PLD5: variants seen among roughly 807,000 people sequenced by gnomAD.
The protein encoded by PLD5 is phospholipase D family member 5.
Under a neutral mutation model 61.1 loss-of-function variants are expected in PLD5, and 36 were observed. The ratio of observed to expected loss-of-function variants is 0.59; its 90% CI spans 0.45 to 0.78. The LOEUF is 0.78. PLD5 is among the 30% of genes least tolerant of loss of function. PLD5 has a pLI of 0.00. For synonymous variants in PLD5, 243 were observed against 242.8 expected (o/e 1.00, Z -0.01); for missense variants, 515 against 644.4 (o/e 0.80, Z 2.17).
intron 1 of PLD5, among the ~76,000 whole-genome samples, chr1:242,471,465 C>A (rs1186363283): frequency 6.6e-6 from 1 of 152,014 alleles, no homozygotes; most frequent in Non-Finnish European, 1.5e-5. Flanking sequence ...GAAGTTAATT[C>A]CTGAGCGAAA....
intron 1 of PLD5, among the ~76,000 whole-genome samples, chr1:242,409,789 G>A (rs1664444945): frequency 6.6e-6 from 1 of 152,110 alleles, no homozygotes; most frequent in African/African-American, 2.4e-5. Flanking sequence ...ATATGTAAAG[G>A]AAGGCCGCCA....
intron 1 of PLD5, among the ~76,000 whole-genome samples, chr1:242,372,917 G>A (rs1012757893): frequency 9.2e-5 from 14 of 152,136 alleles, no homozygotes; most frequent in East Asian, 5.8e-4. Context: ...CAAAAGCAAC[G>A]GCAACAAAAG....
chr1:242,253,705 G>A lies in PLD5; in HGVS notation c.607+11632C>T, dbSNP rs556245603. 7.6e-4 allele frequency among the ~76,000 whole-genome samples: 116 copies of A among 152,232 alleles called. No homozygotes were observed. The Middle Eastern group carries it at 0.014, about 18-fold the overall frequency. On this transcript the variant is annotated intron_variant, in intron 4 of 9. Coordinates refer to ENST00000536534, the MANE Select transcript of PLD5 (RefSeq NM_001372062.1). ...AACCAGATGAAACAGATAAAATTCT[G>A]CTTTTCTCCTGTCACAAGGTTGAAT... is the stretch of plus-strand genomic sequence containing the variant.
intron 1 of PLD5, among the ~76,000 whole-genome samples, chr1:242,510,568 C>T (rs1034172905): frequency 3.3e-5 from 5 of 152,084 alleles, no homozygotes; most frequent in African/African-American, 4.8e-5. Context: ...CAAATGGGCC[C>T]GGTGCGGTGG....
At chr1:242,462,576 A>G (rs541816856) in intron 1 of PLD5, among the ~76,000 whole-genome samples, 25 of 150,836 alleles carry the variant, frequency 1.7e-4, no homozygotes, top group Non-Finnish European at 2.5e-4. Context: ...AAATCTGCAC[A>G]TGGACCCCCC....
At position 242,265,420 on chromosome 1, in the gene PLD5, T is replaced by C; in HGVS notation, c.524A>G (p.Gln175Arg). 6.2e-7 allele frequency: 1 copy of C among 1,611,470 alleles called. No individual in the cohort carries two copies. The highest frequency in any genetic ancestry group is 8.5e-7 in the Non-Finnish European group (1 of 1,178,732). ...GATTTCAATATTTTGCGAAGTCAGC[T>C]GGAGCAACTTTTCAAAAAGACGTTG... Reference protein sequence around the residue: ...QGQRLFEKLLQLTSQNIEIKL... With the variant: ...QGQRLFEKLLRLTSQNIEIKL... Residue 175 changes from glutamine to arginine, a missense_variant, in exon 4 of 10, where the codon CAG becomes CGG. By Grantham distance (43) the Gln-to-Arg change is conservative. This residue lies in a region of PLD5 where 450 missense variants were observed against 598.1 expected (regional missense o/e 0.75). Coordinates refer to ENST00000536534, the MANE Select transcript of PLD5 (RefSeq NM_001372062.1).
chr1:242,453,625 A>C (rs1666856341), intron 1 of PLD5, among the ~76,000 whole-genome samples: 1 of 152,174 alleles, frequency 6.6e-6, no homozygotes, highest in South Asian at 2.1e-4. Flanking sequence ...CCAAAAAGGT[A>C]GTCCCTAGAG....
Position 242,378,505 on chromosome 1 carries a change from G to T in PLD5, c.190-30263C>A, listed in dbSNP as rs528124140. On this transcript the variant is annotated intron_variant, in intron 1 of 9. Transcript: ENST00000536534. ...ACTGTACACTTAAAATGGTTAAAAT[G>T]GTAAATTTTATGTTATACATATTTT... is the stretch of plus-strand genomic sequence containing the variant. Among the ~76,000 whole-genome samples, 241 of 152,040 alleles carry T rather than the reference G, an allele frequency of 1.6e-3. 1 individual carries two copies. The highest frequency in any genetic ancestry group is 0.013 in the South Asian group (63 of 4,804).
At chr1:242,458,428 A>T (rs1248949470) in intron 1 of PLD5, among the ~76,000 whole-genome samples, 1 of 152,224 alleles carries the variant, frequency 6.6e-6, no homozygotes, top group Non-Finnish European at 1.5e-5. Context: ...TATATTGTAC[A>T]TTTAACTCCT....
intron 6 of PLD5, among the ~76,000 whole-genome samples, chr1:242,120,519 C>T (rs1303910906): frequency 1.3e-5 from 2 of 152,074 alleles, no homozygotes; most frequent in Admixed American, 1.3e-4. Flanking sequence ...GGCTGTTAAA[C>T]TAATTTACAA....
chr1:242,358,060 C>A (rs1660856270), intron 1 of PLD5, among the ~76,000 whole-genome samples: 2 of 152,018 alleles, frequency 1.3e-5, no homozygotes, highest in South Asian at 4.1e-4. Flanking sequence ...GCATTGTATT[C>A]TTCATCTCTA....
intron 1 of PLD5, among the ~76,000 whole-genome samples, chr1:242,407,676 C>T (rs149660740): frequency 0.04 from 6,059 of 151,166 alleles, 414 homozygotes; most frequent in African/African-American, 0.14. Context: ...GCCTATGGGG[C>T]TCAAGCGATT....
chr1:242,170,473 G>A, intron 5 of PLD5, among the ~76,000 whole-genome samples: 1 of 152,154 alleles, frequency 6.6e-6, no homozygotes, highest in East Asian at 1.9e-4. Flanking sequence ...AAAATACTAA[G>A]TATTCCAAAT....
intron 2 of PLD5, among the ~76,000 whole-genome samples, chr1:242,306,431 T>C (rs1386216831): frequency 1.3e-5 from 2 of 152,122 alleles, no homozygotes; most frequent in Admixed American, 6.6e-5. Context: ...AGGAATTCCC[T>C]GTGGATTACA....
intron 5 of PLD5, among the ~76,000 whole-genome samples, chr1:242,190,718 A>T (rs1668215883): frequency 6.6e-6 from 1 of 151,602 alleles, no homozygotes; most frequent in African/African-American, 2.4e-5. Flanking sequence ...CTCATCTCTT[A>T]AAAAAATTAA....
intron 7 of PLD5, among the ~76,000 whole-genome samples, chr1:242,110,115 A>G (rs947652331): frequency 6.7e-6 from 1 of 150,124 alleles, no homozygotes; most frequent in Non-Finnish European, 1.5e-5. Flanking sequence ...CATAAAGGCC[A>G]TTAGAGACCT....
At chr1:242,456,065 A>T (rs1222766421) in intron 1 of PLD5, among the ~76,000 whole-genome samples, 1 of 152,256 alleles carries the variant, frequency 6.6e-6, no homozygotes, top group African/African-American at 2.4e-5. Flanking sequence ...ATTTTATTTA[A>T]GAGTGTGTCA....
At chr1:242,476,297 G>A (rs1416164786) in intron 1 of PLD5, among the ~76,000 whole-genome samples, 2 of 152,070 alleles carry the variant, frequency 1.3e-5, no homozygotes, top group African/African-American at 4.8e-5. Flanking sequence ...AGAGGCTGCA[G>A]TGAGCCGAGA....
chr1:242,310,878 T>C (rs916112483), intron 2 of PLD5, among the ~76,000 whole-genome samples: 10 of 152,144 alleles, frequency 6.6e-5, no homozygotes, highest in Non-Finnish European at 1.2e-4. Flanking sequence ...AGAGTCTGGT[T>C]TTAACTCAGG....
Sources: gnomAD v4.1 joint callset for allele counts (sites outside exome capture counted in the v4.1 genomes callset) on GRCh38, gnomAD v4.1.1 for gene constraint, gnomAD v4.1.1 regional missense constraint, MANE v1.5 for transcripts, NCBI Gene and HGNC (gene_info 2026-07-23, HGNC 2026-07-21) for gene names.